NCAM2: variants seen among roughly 807,000 people sequenced by gnomAD.
NCAM2 encodes neural cell adhesion molecule 2.
Under a neutral mutation model 98.1 loss-of-function variants are expected in NCAM2, and 30 were observed. That is an observed-to-expected ratio of 0.31 (90% confidence interval 0.23 to 0.41). The LOEUF (loss-of-function observed/expected upper bound fraction) is 0.41. Ranked by LOEUF, NCAM2 falls within the 10% of genes least tolerant of loss-of-function variation. The pLI is 1.00. For missense variants in NCAM2, 867 were observed against 1,005.8 expected (o/e 0.86, Z 1.87); for synonymous variants, 368 against 342.4 (o/e 1.07, Z -0.83).
intron 1 of NCAM2, among the ~76,000 whole-genome samples, chr21:21,090,068 G>A (rs1255879997): frequency 6.6e-6 from 1 of 152,118 alleles, no homozygotes; most frequent in Non-Finnish European, 1.5e-5. Context: ...CATGGACCTA[G>A]GACCTGTAGC....
At chr21:21,258,456 A>G (rs1194015312) in intron 1 of NCAM2, among the ~76,000 whole-genome samples, 1 of 152,122 alleles carries the variant, frequency 6.6e-6, no homozygotes, top group Non-Finnish European at 1.5e-5. Context: ...TCTGGTAGAG[A>G]TTGACTCCTG....
intron 15 of NCAM2, among the ~76,000 whole-genome samples, chr21:21,486,747 A>G (rs1986423779): frequency 6.6e-6 from 1 of 152,192 alleles, no homozygotes. Context: ...TTTACATATC[A>G]TAACTCAAGG....
intron 16 of NCAM2, among the ~76,000 whole-genome samples, chr21:21,513,062 A>G (rs1988493685): frequency 1.3e-5 from 2 of 151,942 alleles, no homozygotes. Context: ...TCCACTTTGG[A>G]TACATTTTAT....
intron 16 of NCAM2, among the ~76,000 whole-genome samples, chr21:21,524,461 C>T (rs1989209111): frequency 6.8e-6 from 1 of 147,696 alleles, no homozygotes; most frequent in Non-Finnish European, 1.5e-5. Flanking sequence ...ACCCAGGAGG[C>T]AGAGGTTGCT....
intron 11 of NCAM2, among the ~76,000 whole-genome samples, chr21:21,431,304 A>T (rs951640070): frequency 7.5e-6 from 1 of 132,672 alleles, no homozygotes; most frequent in African/African-American, 3.0e-5. Flanking sequence ...AGAGTTTTCA[A>T]AAATCCCTCA....
At chr21:21,283,241 C>T (rs960823049) in intron 2 of NCAM2, among the ~76,000 whole-genome samples, 2 of 151,874 alleles carry the variant, frequency 1.3e-5, no homozygotes, top group African/African-American at 4.8e-5. Context: ...ACCATTTCTT[C>T]GGAAAAATGA....
At chr21:21,238,067 T>G (rs1166141784) in intron 1 of NCAM2, among the ~76,000 whole-genome samples, 1 of 149,762 alleles carries the variant, frequency 6.7e-6, no homozygotes, top group Non-Finnish European at 1.5e-5. Flanking sequence ...GCGATTCTCC[T>G]GCCTCAGCCT....
rs759989878 is a variant in NCAM2 at position 21,280,656 on chromosome 21, C to A, written c.130+4C>A. On this transcript the variant is annotated splice_donor_region_variant and intron_variant, in intron 2 of 17. Coordinates refer to ENST00000400546, the MANE Select transcript of NCAM2 (RefSeq NM_004540.5). ...TCTAAATTCTTCACATGTACAGGTACGTATTTCTGTAAATACCTTCAGATA... is the reference window on the plus strand; with the variant it reads ...TCTAAATTCTTCACATGTACAGGTAAGTATTTCTGTAAATACCTTCAGATA... 43 of 1,524,360 alleles carry A rather than the reference C, an allele frequency of 2.8e-5. No individual in the cohort carries two copies. The highest frequency in any genetic ancestry group is 4.0e-5 in the Admixed American group (2 of 50,332). The allele number at this position is 1,524,360 out of a possible 1,614,324, so 94.4% of individuals were successfully genotyped here.
intron 1 of NCAM2, among the ~76,000 whole-genome samples, chr21:21,232,121 A>C (rs1389916083): frequency 6.6e-6 from 1 of 151,394 alleles, no homozygotes; most frequent in Non-Finnish European, 1.5e-5. Flanking sequence ...ATGATACTTG[A>C]CTCATAGAGA....
intron 1 of NCAM2, among the ~76,000 whole-genome samples, chr21:21,032,170 C>T (rs1457432051): frequency 8.6e-6 from 1 of 116,440 alleles, no homozygotes; most frequent in African/African-American, 3.0e-5. Context: ...TGGTTACACT[C>T]TAAATAACTC....
intron 8 of NCAM2, among the ~76,000 whole-genome samples, chr21:21,360,481 T>C (rs2075615606): frequency 6.6e-6 from 1 of 152,018 alleles, no homozygotes; most frequent in Admixed American, 6.6e-5. Context: ...ACATGATTTT[T>C]AGATTGACAA....
chr21:21,141,589 CAGTT>C (rs765909553), intron 1 of NCAM2, among the ~76,000 whole-genome samples: 72 of 152,298 alleles, frequency 4.7e-4, no homozygotes, highest in Non-Finnish European at 8.5e-4. Context: ...TAATTATTGA[CAGTT>C]AGATATGAGA....
At chr21:21,265,293 A>G (rs2072191481) in intron 1 of NCAM2, among the ~76,000 whole-genome samples, 2 of 131,088 alleles carry the variant, frequency 1.5e-5, no homozygotes, top group South Asian at 2.3e-4. Context: ...ATGTGTGTAT[A>G]TATACGTGTA....
intron 1 of NCAM2, among the ~76,000 whole-genome samples, chr21:21,100,185 C>T (rs1160891628): frequency 6.6e-6 from 1 of 151,820 alleles, no homozygotes; most frequent in Non-Finnish European, 1.5e-5. Flanking sequence ...TGAAGACCAT[C>T]CTTTTTAGGA....
intron 1 of NCAM2, among the ~76,000 whole-genome samples, chr21:21,163,393 TTGTC>T (rs1037873399): frequency 1.3e-5 from 2 of 152,124 alleles, no homozygotes; most frequent in South Asian, 2.1e-4. Flanking sequence ...TACAGCTAGT[TTGTC>T]TGGCCTTCTT....
chr21:21,219,227 T>G (rs1485989241), intron 1 of NCAM2, among the ~76,000 whole-genome samples: 1 of 152,214 alleles, frequency 6.6e-6, no homozygotes, highest in Non-Finnish European at 1.5e-5. Flanking sequence ...GCCCAAGACA[T>G]TTCTTCTGAT....
intron 1 of NCAM2, among the ~76,000 whole-genome samples, chr21:21,110,626 A>G (rs547753023): frequency 6.6e-6 from 1 of 150,802 alleles, no homozygotes; most frequent in East Asian, 2.0e-4. Flanking sequence ...TTTTCATGAG[A>G]CTACCAGGGA....
chr21:21,239,883 T>C (rs960411912), intron 1 of NCAM2, among the ~76,000 whole-genome samples: 14 of 152,262 alleles, frequency 9.2e-5, no homozygotes, highest in African/African-American at 3.1e-4. Context: ...TAAATGCTAA[T>C]TGTGTTGGGT....
intron 16 of NCAM2, among the ~76,000 whole-genome samples, chr21:21,528,191 G>T (rs1240296680): frequency 6.6e-6 from 1 of 152,312 alleles, no homozygotes; most frequent in Non-Finnish European, 1.5e-5. Flanking sequence ...GCACATGTTG[G>T]AAAGAAGGGA....
Sources: allele counts gnomAD v4.1 joint callset (sites outside exome capture counted in the v4.1 genomes callset), GRCh38; gene constraint gnomAD v4.1.1; transcripts MANE v1.5; gene names NCBI Gene and HGNC (gene_info 2026-07-23, HGNC 2026-07-21).